ZBTB20: variants seen among roughly 807,000 people sequenced by gnomAD.
ZBTB20 encodes zinc finger and BTB domain containing 20.
Under a neutral mutation model 56.9 loss-of-function variants are expected in ZBTB20, and 9 were observed. The ratio of observed to expected loss-of-function variants is 0.16; its 90% CI spans 0.10 to 0.28. ZBTB20 has a LOEUF of 0.28. ZBTB20 is among the 10% of genes least tolerant of loss of function. ZBTB20 has a pLI of 1.00. For synonymous variants in ZBTB20, 417 were observed against 420.7 expected, an observed-to-expected ratio of 0.99 and a Z score of 0.11; for missense variants, 655 against 1,003.0, an observed-to-expected ratio of 0.65 and a Z score of 4.69.
intron 4 of ZBTB20, among the ~76,000 whole-genome samples, chr3:114,872,875 T>C (rs2076061657): frequency 6.6e-6 from 1 of 152,076 alleles, no homozygotes; most frequent in African/African-American, 2.4e-5. Context: ...ATTACTTATT[T>C]CCTAAAAGAT....
intron 6 of ZBTB20, among the ~76,000 whole-genome samples, chr3:114,568,314 T>G (rs1330184489): frequency 2.0e-5 from 3 of 152,172 alleles, no homozygotes; most frequent in Non-Finnish European, 2.9e-5. Flanking sequence ...GATTCTTCCA[T>G]CAATGCAAAG....
chr3:114,761,386 A>G (rs377600218), intron 5 of ZBTB20, among the ~76,000 whole-genome samples: 1 of 152,166 alleles, frequency 6.6e-6, no homozygotes, highest in South Asian at 2.1e-4. Context: ...TACCACCTCC[A>G]TTTAGTATAT....
rs116147664 is a variant in ZBTB20 at position 114,611,632 on chromosome 3, T to A, written c.-295+81896A>T. 1.5e-3 allele frequency among the ~76,000 whole-genome samples: 232 copies of A among 152,262 alleles called. 1 individual carries two copies. The highest frequency in any genetic ancestry group is 5.3e-3 in the African/African-American group (222 of 41,566). ...ACAATTACCCAATCCTAGGTTGGACTAGGATTGGGGTTGGTGGGGAAGGAG... is the reference window on the plus strand; with the variant it reads ...ACAATTACCCAATCCTAGGTTGGACAAGGATTGGGGTTGGTGGGGAAGGAG... On this transcript the variant is annotated intron_variant, in intron 6 of 11. Coordinates refer to ENST00000675478, the MANE Select transcript of ZBTB20 (RefSeq NM_001348800.3).
intron 6 of ZBTB20, among the ~76,000 whole-genome samples, chr3:114,562,171 G>A (rs1351600073): frequency 3.3e-5 from 5 of 151,228 alleles, no homozygotes; most frequent in Admixed American, 3.3e-4. Flanking sequence ...TGTTGTGGCT[G>A]GTTTGATTTT....
In ZBTB20 at chr3:114,923,420, C is replaced by T. The variant is rs997618674; in HGVS notation, c.-455-23078G>A. Among the ~76,000 whole-genome samples the T allele has an allele frequency of 2.7e-4, 41 of 152,136 alleles. 1 individual carries two copies. Among genetic ancestry groups the T allele is most frequent in the Non-Finnish European group, 5.4e-4 (37 of 68,014 alleles). On this transcript the variant is annotated intron_variant, in intron 3 of 11. Coordinates refer to ENST00000675478, the MANE Select transcript of ZBTB20 (RefSeq NM_001348800.3). ...TTGAGAGCCCAGAAATAAATGCACA[C>T]TTGTATGGTTAACTAATCTTTGGCA...
intron 5 of ZBTB20, among the ~76,000 whole-genome samples, chr3:114,749,395 T>C (rs974350437): frequency 6.6e-6 from 1 of 151,876 alleles, no homozygotes; most frequent in South Asian, 2.1e-4. Context: ...CTACTAAAAA[T>C]ACAAAAAAGT....
At chr3:115,099,065 TTA>T in intron 1 of ZBTB20, among the ~76,000 whole-genome samples, 1 of 152,152 alleles carries the variant, frequency 6.6e-6, no homozygotes, top group Non-Finnish European at 1.5e-5. Flanking sequence ...ATGGCCCTTA[TTA>T]AAATAATCCT....
chr3:115,118,708 T>A (rs1412447109), intron 1 of ZBTB20, among the ~76,000 whole-genome samples: 2 of 128,562 alleles, frequency 1.6e-5, no homozygotes, highest in Non-Finnish European at 3.3e-5. Flanking sequence ...TACAAATTTT[T>A]TTTTTTTTTT....
At chr3:114,699,718 C>T (rs770700655) in intron 5 of ZBTB20, among the ~76,000 whole-genome samples, 6 of 152,006 alleles carry the variant, frequency 3.9e-5, no homozygotes, top group South Asian at 2.1e-4. Flanking sequence ...TTAATGTAAT[C>T]GGATTCAGCA....
chr3:114,599,660 A>G (rs1212490618), intron 6 of ZBTB20, among the ~76,000 whole-genome samples: 1 of 152,030 alleles, frequency 6.6e-6, no homozygotes, highest in Non-Finnish European at 1.5e-5. Flanking sequence ...TGGGCAGTTT[A>G]CTTACATTAT....
intron 2 of ZBTB20, among the ~76,000 whole-genome samples, chr3:115,022,639 G>T (rs1218713714): frequency 1.3e-5 from 2 of 150,850 alleles, no homozygotes; most frequent in African/African-American, 4.8e-5. Context: ...ACTCCAATTT[G>T]TTGTCCTTTG....
At chr3:114,745,499 A>G (rs1399945050) in intron 5 of ZBTB20, among the ~76,000 whole-genome samples, 3 of 152,270 alleles carry the variant, frequency 2.0e-5, no homozygotes, top group African/African-American at 7.2e-5. Flanking sequence ...ATCAATACTA[A>G]GCACCGAAGA....
intron 2 of ZBTB20, among the ~76,000 whole-genome samples, chr3:114,985,187 C>T (rs1265785489): frequency 6.6e-6 from 1 of 152,072 alleles, no homozygotes; most frequent in Non-Finnish European, 1.5e-5. Flanking sequence ...TTATTCTCTG[C>T]CAAATCACTT....
chr3:115,130,124 C>G (rs2084461401), intron 1 of ZBTB20, among the ~76,000 whole-genome samples: 2 of 152,150 alleles, frequency 1.3e-5, no homozygotes. Context: ...GAAAATATCT[C>G]TATTTTAAAG....
At chr3:115,124,202 A>G (rs2084260127) in intron 1 of ZBTB20, among the ~76,000 whole-genome samples, 2 of 152,230 alleles carry the variant, frequency 1.3e-5, no homozygotes, top group African/African-American at 4.8e-5. Context: ...TGAATAGTAT[A>G]TGTTTTATGC....
chr3:114,696,146 G>T (rs2062998400), intron 5 of ZBTB20, among the ~76,000 whole-genome samples: 1 of 151,966 alleles, frequency 6.6e-6, no homozygotes, highest in Admixed American at 6.6e-5. Context: ...TCACATTTGG[G>T]CAATAATAGT....
intron 6 of ZBTB20, among the ~76,000 whole-genome samples, chr3:114,539,470 G>A (rs978041109): frequency 2.0e-5 from 3 of 152,008 alleles, no homozygotes; most frequent in African/African-American, 7.2e-5. Context: ...TCTACCTTAG[G>A]ACATAAGCAA....
intron 1 of ZBTB20, among the ~76,000 whole-genome samples, chr3:115,088,872 G>T (rs1454183329): frequency 6.6e-6 from 1 of 151,834 alleles, no homozygotes; most frequent in African/African-American, 2.4e-5. Context: ...GTGTTTCACA[G>T]CGTGTCATAA....
At chr3:114,527,883 A>G (rs2047411475) in intron 6 of ZBTB20, among the ~76,000 whole-genome samples, 1 of 152,028 alleles carries the variant, frequency 6.6e-6, no homozygotes, top group Admixed American at 6.6e-5. Flanking sequence ...TAGAGTTTTC[A>G]TTTTCTTTTA....
Sources: allele counts gnomAD v4.1 joint callset (sites outside exome capture counted in the v4.1 genomes callset), GRCh38; gene constraint gnomAD v4.1.1; transcripts MANE v1.5; gene names NCBI Gene and HGNC (gene_info 2026-07-23, HGNC 2026-07-21).